The following PARVB variants were observed in gnomAD, a reference collection of about 807,000 sequenced individuals.
The protein encoded by PARVB is parvin beta, also known as beta-parvin.
Under a neutral mutation model 47.0 loss-of-function variants are expected in PARVB, and 46 were observed. The ratio of observed to expected loss-of-function variants is 0.98; its 90% CI spans 0.77 to 1.25. The LOEUF is 1.25. Ranked by LOEUF, PARVB falls within the 50% of genes most tolerant of loss-of-function variation. The pLI is 0.00. For missense variants in PARVB, 473 were observed against 471.6 expected (o/e 1.00, Z -0.03); for synonymous variants, 196 against 196.3 (o/e 1.00, Z 0.01).
At chr22:44,154,231 A>G (rs2053870554) in intron 10 of PARVB, among the ~76,000 whole-genome samples, 1 of 152,156 alleles carries the variant, frequency 6.6e-6, no homozygotes, top group African/African-American at 2.4e-5. Context: ...TAATCGTACT[A>G]TATAGAGTCT....
chr22:44,119,079 G>A lies in PARVB; in HGVS notation c.315G>A (p.Arg105=), dbSNP rs766460610. Reference sequence around the variant, plus strand: ...TTAATGACGTGCTGGTGGAGGAGAGGATCATTGTGAAGCAGCTGGAGGAAG... The same window carrying A: ...TTAATGACGTGCTGGTGGAGGAGAGAATCATTGTGAAGCAGCTGGAGGAAG... ...DWINDVLVEE[R]IIVKQLEEDL... The change falls in exon 4 of 13, where the codon AGG becomes AGA. Residue 105 remains arginine (R), a synonymous_variant. Coordinates refer to ENST00000338758, the MANE Select transcript of PARVB (RefSeq NM_013327.5). 3.1e-6 allele frequency: 5 copies of A among 1,614,170 alleles called. No homozygotes were observed. Among genetic ancestry groups the A allele is most frequent in the Non-Finnish European group, 4.2e-6 (5 of 1,180,016 alleles).
intron 1 of PARVB, among the ~76,000 whole-genome samples, chr22:44,045,390 A>T (rs1211041665): frequency 6.6e-6 from 1 of 152,214 alleles, no homozygotes; most frequent in Non-Finnish European, 1.5e-5. Flanking sequence ...TGTGTTGGTG[A>T]GTGTTGAGGA....
Position 43,999,412 on chromosome 22 carries a change from G to C in PARVB, c.71+1G>C, listed in dbSNP as rs1179065752. The C allele has an allele frequency of 6.2e-7, 1 of 1,608,256 alleles. No homozygotes were observed. The highest frequency in any genetic ancestry group is 1.7e-5 in the Admixed American group (1 of 59,340). ...TCCTTAGTCCAGAGAACAAAAACTGGTGAGCTGTGATTTAAACAAAACGAA... is the reference window on the plus strand; with the variant it reads ...TCCTTAGTCCAGAGAACAAAAACTGCTGAGCTGTGATTTAAACAAAACGAA... On this transcript the variant is annotated splice_donor_variant, in intron 1 of 13. Coordinates refer to the PARVB transcript ENST00000406477. LOFTEE classifies it high-confidence loss of function.
intron 1 of PARVB, chr22:44,069,068 G>T (rs565922225): frequency 1.3e-6 from 2 of 1,585,756 alleles, no homozygotes; most frequent in Non-Finnish European, 1.7e-6. Flanking sequence ...CCCCTGCCAC[G>T]TCCCTATATG....
At position 44,163,940 on chromosome 22, in the gene PARVB, C is replaced by T; in HGVS notation, c.1018+10C>T. On this transcript the variant is annotated intron_variant, in intron 12 of 12. Transcript: ENST00000338758. The stretch of plus-strand genomic sequence containing the variant: ...AAGGCTCGTCCTGAAGGTAATGCCC[C>T]TGGCTCAGGTTCCCCCGGGAGAGGT... The T allele has an allele frequency of 1.2e-6, 2 of 1,604,936 alleles. No homozygotes were observed. Among genetic ancestry groups the T allele is most frequent in the Non-Finnish European group, 1.7e-6 (2 of 1,174,936 alleles).
At position 44,131,600 on chromosome 22, in the gene PARVB, G is replaced by T; in HGVS notation, c.490G>T (p.Gly164Cys). The T allele has an allele frequency of 6.2e-7, 1 of 1,614,002 alleles. No individual in the cohort carries two copies. The highest frequency in any genetic ancestry group is 8.5e-7 in the Non-Finnish European group (1 of 1,179,972). Reference sequence around the variant, plus strand: ...AGTACATGACCTGCTGCGGCCCCGAGGCTGGGCGCTCCGGTGGAGCGTGGA... The same window carrying T: ...AGTACATGACCTGCTGCGGCCCCGATGCTGGGCGCTCCGGTGGAGCGTGGA... ...EAVHDLLRPR[G>C]WALRWSVDSI... Residue 164 changes from glycine (G) to cysteine (C), a missense_variant, in exon 5 of 13, where the codon GGC (glycine) becomes TGC (cysteine). By Grantham distance (159) the Gly-to-Cys change is radical. Coordinates refer to ENST00000338758, the MANE Select transcript of PARVB (RefSeq NM_013327.5).
At chr22:44,044,337 C>T (rs970034957) in intron 1 of PARVB, among the ~76,000 whole-genome samples, 2 of 151,098 alleles carry the variant, frequency 1.3e-5, no homozygotes, top group Non-Finnish European at 3.0e-5. Context: ...ACTACAGGCA[C>T]CCGCCACAGT....
intron 1 of PARVB, among the ~76,000 whole-genome samples, chr22:44,032,905 G>A (rs1055599595): frequency 6.6e-6 from 1 of 152,210 alleles, no homozygotes; most frequent in Non-Finnish European, 1.5e-5. Flanking sequence ...CAGAACAGGA[G>A]CCTTTTCCAG....
At chr22:44,137,619 G>T (rs891336836) in intron 7 of PARVB, among the ~76,000 whole-genome samples, 1 of 152,162 alleles carries the variant, frequency 6.6e-6, no homozygotes. Context: ...AGCCAGTCTC[G>T]CCTGGGGTTG....
At chr22:44,160,246 G>T (rs895728390) in intron 11 of PARVB, among the ~76,000 whole-genome samples, 2 of 152,004 alleles carry the variant, frequency 1.3e-5, no homozygotes, top group African/African-American at 4.8e-5. Flanking sequence ...TGGAGACGTG[G>T]AGATCTTTCC....
At chr22:44,081,061 T>C (rs2051888415) in intron 1 of PARVB, among the ~76,000 whole-genome samples, 1 of 152,142 alleles carries the variant, frequency 6.6e-6, no homozygotes, top group Non-Finnish European at 1.5e-5. Context: ...CCTCCAAAGG[T>C]GCAGTCTCCA....
At chr22:44,016,680 G>A (rs540793688) in intron 2 of PARVB, among the ~76,000 whole-genome samples, 2 of 152,292 alleles carry the variant, frequency 1.3e-5, no homozygotes, top group South Asian at 4.1e-4. Context: ...AAGGGGGCTG[G>A]AAGGGTCTTT....
chr22:44,154,535 GT>G (rs1217318439), intron 10 of PARVB, among the ~76,000 whole-genome samples: 1 of 41,568 alleles, frequency 2.4e-5, no homozygotes, highest in Non-Finnish European at 4.1e-5. Context: ...AGTCTGGTGG[GT>G]GTGTGTGTGT....
chr22:44,042,160 G>T (rs1601516722), intron 1 of PARVB, among the ~76,000 whole-genome samples: 1 of 152,204 alleles, frequency 6.6e-6, no homozygotes, highest in East Asian at 1.9e-4. Flanking sequence ...GGTGGCTCAT[G>T]CCTGTAATCC....
chr22:44,151,025 G>A, intron 9 of PARVB: 1 of 73,240 alleles, frequency 1.4e-5, no homozygotes, highest in Non-Finnish European at 2.1e-5. Context: ...GAGTGAGACT[G>A]TCTCAAAAAA....
At chr22:44,161,898 C>T (rs1023561176) in intron 11 of PARVB, among the ~76,000 whole-genome samples, 11 of 152,232 alleles carry the variant, frequency 7.2e-5, no homozygotes, top group African/African-American at 2.7e-4. Context: ...TCCCGCATCT[C>T]CAGGCAGGCT....
chr22:44,065,845 G>C lies in PARVB; in HGVS notation c.113-28083G>C, dbSNP rs562237020. ...TTATGGCTGATTAGTATTCCATGGT[G>C]TGTGTGTGTGTGCATGTGTGTGTGT... On this transcript the variant is annotated intron_variant, in intron 1 of 12. Coordinates refer to ENST00000338758, the MANE Select transcript of PARVB (RefSeq NM_013327.5). 2.1e-5 allele frequency among the ~76,000 whole-genome samples: 3 copies of C among 141,140 alleles called. No individual in the cohort carries two copies. The South Asian group carries it at 6.7e-4, about 31-fold the overall frequency. 92.6% of individuals were successfully genotyped at this position (141,140 alleles called of 152,430 possible). A position where few individuals can be genotyped will look rare whatever the true frequency, so the allele number is the denominator to read the frequency against.
intron 10 of PARVB, among the ~76,000 whole-genome samples, chr22:44,154,063 G>A (rs566298090): frequency 1.3e-5 from 2 of 152,274 alleles, no homozygotes; most frequent in African/African-American, 4.8e-5. Flanking sequence ...GGCGTGTGAG[G>A]GGCACTGCTC....
At position 44,172,584 on chromosome 22, in the gene PARVB, A is replaced by G; in HGVS notation, c.*3906A>G. Reference sequence around the variant, plus strand: ...CTTTGACGCCCACACAGTGTTATGCAAGCACCGAGCCCAGAGTCCCGCTGG... The same window carrying G: ...CTTTGACGCCCACACAGTGTTATGCGAGCACCGAGCCCAGAGTCCCGCTGG... On this transcript the variant is annotated 3_prime_UTR_variant, in exon 13 of 13. Transcript: ENST00000338758. The G allele has an allele frequency of 4.8e-6, 1 of 207,534 alleles. No individual in the cohort carries two copies. Among genetic ancestry groups the G allele is most frequent in the South Asian group, 5.8e-5 (1 of 17,354 alleles). 12.9% of individuals were successfully genotyped at this position (207,534 alleles called of 1,614,324 possible).
Sources: gnomAD v4.1 joint callset for allele counts (sites outside exome capture counted in the v4.1 genomes callset) on GRCh38, gnomAD v4.1.1 for gene constraint, MANE v1.5 for transcripts, NCBI Gene and HGNC (gene_info 2026-07-23, HGNC 2026-07-21) for gene names.